The following GLIS3 variants were observed in gnomAD, a reference collection of about 807,000 sequenced individuals.
The protein encoded by GLIS3 is GLIS family zinc finger 3.
In GLIS3, 53 loss-of-function variants were observed where a neutral mutation model predicts 78.6. The observed-to-expected ratio is 0.67, with a 90% CI of 0.54 to 0.85. The LOEUF (loss-of-function observed/expected upper bound fraction) is 0.85. Among genes scored for constraint, GLIS3 ranks in the 40% least tolerant of loss-of-function variants. The pLI is 0.00. For synonymous variants in GLIS3, 684 were observed against 509.9 expected, an observed-to-expected ratio of 1.34 and a Z score of -4.60; for missense variants, 1,703 against 1,231.1, an observed-to-expected ratio of 1.38 and a Z score of -5.74.
chr9:4,320,103 A>G (rs1817501947), intron 2 of GLIS3, among the ~76,000 whole-genome samples: 1 of 152,066 alleles, frequency 6.6e-6, no homozygotes, highest in African/African-American at 2.4e-5. Flanking sequence ...GAAAAATCAA[A>G]AGCTGGCAAC....
intron 2 of GLIS3, among the ~76,000 whole-genome samples, chr9:4,134,544 C>T (rs1190340943): frequency 1.3e-5 from 2 of 152,168 alleles, no homozygotes; most frequent in Non-Finnish European, 2.9e-5. Context: ...ATACACCCTA[C>T]ATGGTTGCTT....
chr9:4,204,623 C>G (rs1312370026), intron 2 of GLIS3, among the ~76,000 whole-genome samples: 1 of 152,038 alleles, frequency 6.6e-6, no homozygotes, highest in Non-Finnish European at 1.5e-5. Flanking sequence ...AGTCAAGTAT[C>G]AAGAAGGAAT....
chr9:4,334,370 G>C (rs1169620705), intron 2 of GLIS3, among the ~76,000 whole-genome samples: 1 of 152,210 alleles, frequency 6.6e-6, no homozygotes, highest in Non-Finnish European at 1.5e-5. Flanking sequence ...TATGTGGGTA[G>C]ACAGAAAAGG....
intron 2 of GLIS3, among the ~76,000 whole-genome samples, 197 bp from the exon 3 acceptor site, chr9:4,126,138 TA>T: frequency 6.6e-6 from 1 of 152,290 alleles, no homozygotes; most frequent in South Asian, 2.1e-4. Flanking sequence ...AACCTTTCCA[TA>T]ATCAGCACTC....
the GLIS3 span, among the ~76,000 whole-genome samples, chr9:4,479,440 C>T: frequency 6.6e-6 from 1 of 152,060 alleles, no homozygotes; most frequent in East Asian, 1.9e-4. Context: ...AATTAGGGCT[C>T]AGGGCATTTA....
chr9:4,292,559 A>G (rs1816096591), intron 1 of GLIS3, among the ~76,000 whole-genome samples: 1 of 152,180 alleles, frequency 6.6e-6, no homozygotes, highest in East Asian at 1.9e-4. Flanking sequence ...AAAAGATCTA[A>G]GGGTTTGACA....
chr9:4,131,323 A>G (rs1177152847), intron 2 of GLIS3, among the ~76,000 whole-genome samples: 3 of 152,188 alleles, frequency 2.0e-5, no homozygotes, highest in East Asian at 3.9e-4. Flanking sequence ...GTATTTTGCA[A>G]TGTTTGAGGA....
chr9:3,867,933 A>G (rs531986068), intron 8 of GLIS3, among the ~76,000 whole-genome samples: 33 of 152,344 alleles, frequency 2.2e-4, no homozygotes, highest in African/African-American at 7.7e-4. Flanking sequence ...GCTGTGGCCC[A>G]AAGAGAAAGA....
chr9:4,126,724 AT>A (rs1435506347), intron 2 of GLIS3, among the ~76,000 whole-genome samples: 3 of 152,366 alleles, frequency 2.0e-5, no homozygotes, highest in South Asian at 2.1e-4. Context: ...TTATAAAAAA[AT>A]CATAATGAGC....
chr9:4,467,407 G>A, the GLIS3 span, among the ~76,000 whole-genome samples: 1 of 152,146 alleles, frequency 6.6e-6, no homozygotes, highest in African/African-American at 2.4e-5. Context: ...TACCTCATAT[G>A]GCCACAGGAC....
the GLIS3 span, among the ~76,000 whole-genome samples, chr9:4,452,758 A>G: frequency 6.6e-6 from 1 of 152,224 alleles, no homozygotes; most frequent in Admixed American, 6.5e-5. Flanking sequence ...AGTAATTTAC[A>G]GATTCAATGC....
chr9:4,458,280 T>A, the GLIS3 span, among the ~76,000 whole-genome samples: 1 of 152,196 alleles, frequency 6.6e-6, no homozygotes, highest in Non-Finnish European at 1.5e-5. Context: ...CTGCATGGCA[T>A]GCATTGTTCT....
At chr9:3,960,838 T>C (rs1817499571) in intron 4 of GLIS3, among the ~76,000 whole-genome samples, 1 of 152,144 alleles carries the variant, frequency 6.6e-6, no homozygotes, top group South Asian at 2.1e-4. Flanking sequence ...GTTTGAAAGA[T>C]CCAGTTGTTT....
intron 4 of GLIS3, among the ~76,000 whole-genome samples, chr9:4,117,530 G>A (rs1831753116): frequency 6.6e-6 from 1 of 152,152 alleles, no homozygotes; most frequent in Non-Finnish European, 1.5e-5. Context: ...TACAGAGTGT[G>A]GCAGACTGAT....
intron 8 of GLIS3, among the ~76,000 whole-genome samples, chr9:3,878,359 C>A (rs1821467306): frequency 6.6e-6 from 1 of 152,150 alleles, no homozygotes; most frequent in Non-Finnish European, 1.5e-5. Context: ...ACTCCAGCAT[C>A]CAACACAGTG....
In GLIS3 at chr9:4,330,025, G is replaced by A. The variant is rs146681962; in HGVS notation, n.264+17056C>T. On this transcript the variant is annotated intron_variant and non_coding_transcript_variant, in intron 2 of 4. Transcript: ENST00000471664. ...GAACAGAGCCCTTGCCAAGTCAGCT[G>A]GAGGTTTTCACATACCCTTAATGAA... Among the ~76,000 whole-genome samples the A allele has an allele frequency of 4.8e-4, 73 of 152,256 alleles. 1 individual carries two copies. Among genetic ancestry groups the A allele is most frequent in the South Asian group, 3.5e-3 (17 of 4,812 alleles).
intron 4 of GLIS3, among the ~76,000 whole-genome samples, chr9:4,058,516 T>G (rs1826336027): frequency 6.6e-6 from 1 of 152,148 alleles, no homozygotes; most frequent in Admixed American, 6.6e-5. Context: ...TATCTATTTT[T>G]TCCAATAAGT....
chr9:4,438,265 T>A, the GLIS3 span, among the ~76,000 whole-genome samples: 1 of 152,168 alleles, frequency 6.6e-6, no homozygotes, highest in Non-Finnish European at 1.5e-5. Flanking sequence ...GCCACCCCAA[T>A]GAATCTTAAT....
chr9:4,395,345 A>G, the GLIS3 span, among the ~76,000 whole-genome samples: 10 of 152,306 alleles, frequency 6.6e-5, no homozygotes, highest in South Asian at 1.0e-3. Context: ...TGAGGCGCTG[A>G]CATGATTTTC....
Sources: gnomAD v4.1 joint callset for allele counts (sites outside exome capture counted in the v4.1 genomes callset) on GRCh38, gnomAD v4.1.1 for gene constraint, MANE v1.5 for transcripts, NCBI Gene and HGNC (gene_info 2026-07-23, HGNC 2026-07-21) for gene names.